Variants in KIAA1143 observed in about 807,000 individuals in gnomAD.
The protein encoded by KIAA1143 is KIAA1143, also known as uncharacterized protein KIAA1143.
In KIAA1143, 8 loss-of-function variants were observed where a neutral mutation model predicts 17.0. The observed-to-expected ratio is 0.47, with a 90% CI of 0.28 to 0.85. The LOEUF (loss-of-function observed/expected upper bound fraction) is 0.85, where lower values mean the gene tolerates loss of function less well. Among genes scored for constraint, KIAA1143 ranks in the 40% least tolerant of loss-of-function variants. KIAA1143 has a pLI of 0.12. For synonymous variants in KIAA1143, 64 were observed against 67.8 expected (o/e 0.94, Z 0.27); for missense variants, 162 against 183.3 (o/e 0.88, Z 0.67).
chr3:44,757,293 T>C (rs557043874), intron 1 of KIAA1143, among the ~76,000 whole-genome samples: 4 of 152,282 alleles, frequency 2.6e-5, no homozygotes, highest in African/African-American at 9.6e-5. Context: ...TTCCCTGTGT[T>C]ACCTCTAAGA....
intron 2 of KIAA1143, among the ~76,000 whole-genome samples, chr3:44,753,761 G>A (rs750840496): frequency 2.6e-5 from 4 of 152,092 alleles, no homozygotes; most frequent in Admixed American, 2.6e-4. Flanking sequence ...CTATAATATT[G>A]TCAGTTCCCA....
intron 1 of KIAA1143, among the ~76,000 whole-genome samples, chr3:44,759,038 A>T (rs1705017066): frequency 6.6e-6 from 1 of 151,808 alleles, no homozygotes; most frequent in East Asian, 1.9e-4. Flanking sequence ...TAAATTTTGT[A>T]TTTTTTGTAG....
At chr3:44,758,351 A>G (rs1164785643) in intron 1 of KIAA1143, among the ~76,000 whole-genome samples, 1 of 152,168 alleles carries the variant, frequency 6.6e-6, no homozygotes, top group Admixed American at 6.5e-5. Flanking sequence ...ATGCTGTTTC[A>G]TAGCATTTTA....
At position 44,750,400 on chromosome 3, in the gene KIAA1143, T is replaced by C. The variant is rs1036306534; in HGVS notation, c.*2941A>G. The C allele has an allele frequency of 2.0e-5, 3 of 151,588 alleles. No homozygotes were observed. Among genetic ancestry groups the C allele is most frequent in the African/African-American group, 7.3e-5 (3 of 41,220 alleles). The allele number at this position is 151,588 out of a possible 1,614,324, so 9.4% of individuals were successfully genotyped here. ...TTGTTGTTAATATGTGTTCCAGGAT[T>C]GTATGAGAGTTCTAAAATTCTGATA... On this transcript the variant is annotated 3_prime_UTR_variant, in exon 3 of 3. Transcript: ENST00000296121.
intron 1 of KIAA1143, among the ~76,000 whole-genome samples, chr3:44,756,782 A>G (rs746412771): frequency 6.6e-6 from 1 of 152,236 alleles, no homozygotes; most frequent in Non-Finnish European, 1.5e-5. Flanking sequence ...CAAGCAAACA[A>G]GCAAATTCAC....
chr3:44,759,387 G>T (rs996134937), intron 1 of KIAA1143, among the ~76,000 whole-genome samples: 4 of 152,018 alleles, frequency 2.6e-5, no homozygotes, highest in Admixed American at 2.0e-4. Context: ...AAATAATTCA[G>T]TAAACCATAT....
At chr3:44,759,156 G>A (rs758819108) in intron 1 of KIAA1143, among the ~76,000 whole-genome samples, 42 of 152,052 alleles carry the variant, frequency 2.8e-4, no homozygotes, top group African/African-American at 6.8e-4. Context: ...GAGCCATTGC[G>A]CCTGGCTGTT....
intron 2 of KIAA1143, 138 bp from the exon 3 acceptor site, chr3:44,753,690 T>C (rs955647786): frequency 2.4e-6 from 2 of 819,440 alleles, no homozygotes; most frequent in African/African-American, 3.5e-5. Context: ...CTCCATTGTT[T>C]CTAGCTATAT....
At chr3:44,757,824 C>T (rs61020680) in intron 1 of KIAA1143, among the ~76,000 whole-genome samples, 1,652 of 152,202 alleles carry the variant, frequency 0.011, 29 homozygotes, top group African/African-American at 0.037. Context: ...TCAGAGCCTG[C>T]GACAGTGCAT....
At chr3:44,754,444 G>T (rs1575558422) in intron 1 of KIAA1143, 76 bp from the exon 2 acceptor site, 1 of 1,336,670 alleles carries the variant, frequency 7.5e-7, no homozygotes, top group Non-Finnish European at 1.0e-6. Context: ...AAGAGAAACT[G>T]TAATTATTTA....
chr3:44,753,582 T>C, intron 2 of KIAA1143, 30 bp from the exon 3 acceptor site: 4 of 1,585,042 alleles, frequency 2.5e-6, no homozygotes, highest in Non-Finnish European at 3.4e-6. Flanking sequence ...TTAAGAACTT[T>C]CTTCTCCTCA....
Position 44,753,108 on chromosome 3 carries a change from T to C in KIAA1143, c.*233A>G, listed in dbSNP as rs551739344. The C allele has an allele frequency of 8.7e-4, 289 of 331,804 alleles. 2 individuals are homozygous for C. Among genetic ancestry groups the C allele is most frequent in the African/African-American group, 5.7e-3 (270 of 46,994 alleles). The allele number at this position is 331,804 out of a possible 1,614,324, so 20.6% of individuals were successfully genotyped here. A position where few individuals can be genotyped will look rare whatever the true frequency, so the allele number is the denominator to read the frequency against. On this transcript the variant is annotated 3_prime_UTR_variant, in exon 3 of 3. Transcript: ENST00000296121. Reference sequence around the variant, plus strand: ...ATTTTGCTTAAAAATATAATTTACATATATATACAACCACACAAGGGAAAT... The same window carrying C: ...ATTTTGCTTAAAAATATAATTTACACATATATACAACCACACAAGGGAAAT...
intron 1 of KIAA1143, 111 bp downstream of exon 1, chr3:44,761,384 G>A: frequency 1.3e-6 from 1 of 774,724 alleles, no homozygotes; most frequent in Admixed American, 2.7e-5. Context: ...AATTGGGTTC[G>A]AGCGCGGGTG....
chr3:44,757,497 T>C (rs1486217574), intron 1 of KIAA1143, among the ~76,000 whole-genome samples: 1 of 152,204 alleles, frequency 6.6e-6, no homozygotes, highest in East Asian at 1.9e-4. Context: ...AAGTCTAACC[T>C]GATAACAGCA....
intron 1 of KIAA1143, among the ~76,000 whole-genome samples, chr3:44,756,420 C>T (rs1029990698): frequency 2.0e-5 from 3 of 152,102 alleles, no homozygotes; most frequent in African/African-American, 4.8e-5. Flanking sequence ...GAAATTACCT[C>T]GGTGTGGTGG....
At chr3:44,755,743 G>GTAT (rs1202925861) in intron 1 of KIAA1143, among the ~76,000 whole-genome samples, 1 of 152,242 alleles carries the variant, frequency 6.6e-6, no homozygotes, top group Non-Finnish European at 1.5e-5. Context: ...TAGGTAGCAT[G>GTAT]TATTGCACTG....
chr3:44,753,529 C>T lies in KIAA1143; in HGVS notation c.277G>A (p.Gly93Arg). 1 of 1,611,810 alleles carries T rather than the reference C, an allele frequency of 6.2e-7. No homozygotes were observed. Among genetic ancestry groups the T allele is most frequent in the Non-Finnish European group, 8.5e-7 (1 of 1,178,308 alleles). ...KADEEPTPADGRIIYRKPVKH... is the reference protein window; with the variant it reads ...KADEEPTPADRRIIYRKPVKH... The stretch of plus-strand genomic sequence containing the variant: ...ACTGGTTTTCGATATATGATTCTTC[C>T]ATCGGCTGGAGTTGGTTCTTCATCT... Residue 93 changes from glycine (G) to arginine (R), a missense_variant, in exon 3 of 3, where the codon GGA (glycine) becomes AGA (arginine). Physicochemically the swap from Gly to Arg is moderately radical, Grantham distance 125. Around this residue, in one of 2 missense-constraint regions of KIAA1143, gnomAD observed 137 missense variants for 132.5 expected, o/e 1.03. Coordinates refer to ENST00000296121, the MANE Select transcript of KIAA1143 (RefSeq NM_020696.4).
At chr3:44,755,025 TG>T (rs1575558643) in intron 1 of KIAA1143, among the ~76,000 whole-genome samples, 7 of 152,304 alleles carry the variant, frequency 4.6e-5, no homozygotes, top group Admixed American at 6.5e-5. Context: ...GTGTAACAGA[TG>T]GTAATATTTT....
Position 44,761,512 on chromosome 3 carries a change from G to A in KIAA1143, c.91C>T (p.Pro31Ser), listed in dbSNP as rs143778944. The A allele has an allele frequency of 1.9e-6, 3 of 1,613,748 alleles. No individual in the cohort carries two copies. Among genetic ancestry groups the A allele is most frequent in the Non-Finnish European group, 2.5e-6 (3 of 1,179,710 alleles). ...FKERVGYREG[P>S]TVETKRIQPQ... ...AGGCTCACCTTAGTCTCTACGGTGG[G>A]TCCCTCCCTGTAGCCGACCCGTTCC... The change falls in exon 1 of 3, where the codon CCC becomes TCC. Residue 31 changes from proline (P) to serine (S), a missense_variant. Coordinates refer to ENST00000296121, the MANE Select transcript of KIAA1143 (RefSeq NM_020696.4).
Sources: gnomAD v4.1 joint callset for allele counts (sites outside exome capture counted in the v4.1 genomes callset) on GRCh38, gnomAD v4.1.1 for gene constraint, gnomAD v4.1.1 regional missense constraint, MANE v1.5 for transcripts, NCBI Gene and HGNC (gene_info 2026-07-23, HGNC 2026-07-21) for gene names.